Variants in SRD5A2 observed in about 807,000 individuals in gnomAD.
SRD5A2 encodes steroid 5 alpha-reductase 2.
Under a neutral mutation model 27.4 loss-of-function variants are expected in SRD5A2, and 30 were observed. That is an observed-to-expected ratio of 1.10 (90% confidence interval 0.82 to 1.49). SRD5A2 has a LOEUF of 1.49. SRD5A2 is among the 40% of genes most tolerant of loss of function. SRD5A2 has a pLI of 0.00. For missense variants in SRD5A2, 348 were observed against 323.4 expected (o/e 1.08, Z -0.58); for synonymous variants, 141 against 133.6 (o/e 1.06, Z -0.38).
chr2:31,578,874 G>A (rs1349852470), intron 1 of SRD5A2, among the ~76,000 whole-genome samples: 1 of 152,054 alleles, frequency 6.6e-6, no homozygotes, highest in Non-Finnish European at 1.5e-5. Context: ...TAATATGATT[G>A]TCACAAAACA....
chr2:31,573,622 C>A (rs1666896122), intron 1 of SRD5A2, among the ~76,000 whole-genome samples: 1 of 152,202 alleles, frequency 6.6e-6, no homozygotes, highest in Non-Finnish European at 1.5e-5. Flanking sequence ...GAGGGCCCTT[C>A]ATTAGAGCAT....
At chr2:31,649,803 C>T in the SRD5A2 span, among the ~76,000 whole-genome samples, 34 of 152,114 alleles carry the variant, frequency 2.2e-4, no homozygotes, top group East Asian at 5.8e-4. Flanking sequence ...TAATATATAA[C>T]GGGTATTTTT....
At chr2:31,581,073 A>C, upstream of SRD5A2, 1 of 673,218 alleles carries the variant, frequency 1.5e-6, no homozygotes, top group South Asian at 2.1e-5. Context: ...TCGCAGCAAT[A>C]CCCCTTTCTC....
At chr2:31,611,460 T>C in the SRD5A2 span, among the ~76,000 whole-genome samples, 1 of 152,192 alleles carries the variant, frequency 6.6e-6, no homozygotes, top group Non-Finnish European at 1.5e-5. Flanking sequence ...ACAAAGGATA[T>C]GTATCCATCA....
At chr2:31,621,066 A>G in the SRD5A2 span, among the ~76,000 whole-genome samples, 2 of 151,466 alleles carry the variant, frequency 1.3e-5, no homozygotes, top group Non-Finnish European at 2.9e-5. Flanking sequence ...TCACAGATTC[A>G]TATGCATTTT....
intron 1 of SRD5A2, among the ~76,000 whole-genome samples, chr2:31,560,305 G>T (rs1666596441): frequency 6.6e-6 from 1 of 152,142 alleles, no homozygotes. Context: ...CTGTGGGGAT[G>T]GGGAGAGAGT....
At chr2:31,642,737 T>C in the SRD5A2 span, among the ~76,000 whole-genome samples, 9 of 151,938 alleles carry the variant, frequency 5.9e-5, no homozygotes, top group African/African-American at 1.9e-4. Context: ...ACTTTACTAA[T>C]AATAACCTAA....
chr2:31,647,764 T>G, the SRD5A2 span, among the ~76,000 whole-genome samples: 1 of 152,190 alleles, frequency 6.6e-6, no homozygotes, highest in East Asian at 1.9e-4. Flanking sequence ...CACTAAATTA[T>G]ATAAATTATC....
At chr2:31,634,352 A>G in the SRD5A2 span, among the ~76,000 whole-genome samples, 1 of 152,140 alleles carries the variant, frequency 6.6e-6, no homozygotes, top group Non-Finnish European at 1.5e-5. Flanking sequence ...GGCAAAATAG[A>G]GCATCTAAAG....
the SRD5A2 span, among the ~76,000 whole-genome samples, chr2:31,587,214 A>T: frequency 1.3e-5 from 2 of 152,240 alleles, no homozygotes; most frequent in Admixed American, 6.5e-5. Context: ...TTGGTATCTC[A>T]TCACCGTTAG....
At chr2:31,612,976 G>GA in the SRD5A2 span, among the ~76,000 whole-genome samples, 1 of 152,148 alleles carries the variant, frequency 6.6e-6, no homozygotes, top group South Asian at 2.1e-4. Flanking sequence ...GCAGAAGAAT[G>GA]AAATTGGACC....
the SRD5A2 span, among the ~76,000 whole-genome samples, chr2:31,654,292 T>C: frequency 1.8e-3 from 280 of 152,296 alleles, 2 homozygotes; most frequent in African/African-American, 6.1e-3. Flanking sequence ...CTCAAAGCAC[T>C]GGCAAGGATA....
chr2:31,566,447 A>C (rs2148093524), intron 1 of SRD5A2, among the ~76,000 whole-genome samples: 1 of 152,296 alleles, frequency 6.6e-6, no homozygotes, highest in East Asian at 1.9e-4. Context: ...ACAATTTCTA[A>C]AGCTCTAGTC....
At chr2:31,626,481 T>C in the SRD5A2 span, among the ~76,000 whole-genome samples, 1 of 152,190 alleles carries the variant, frequency 6.6e-6, no homozygotes, top group African/African-American at 2.4e-5. Flanking sequence ...CAGTATGATA[T>C]TGGCTGTGGG....
At chr2:31,655,811 C>T in the SRD5A2 span, among the ~76,000 whole-genome samples, 1 of 152,116 alleles carries the variant, frequency 6.6e-6, no homozygotes, top group African/African-American at 2.4e-5. Context: ...GTTCAGCTTC[C>T]CCCACTCCAC....
At chr2:31,659,452 G>C in the SRD5A2 span, among the ~76,000 whole-genome samples, 8 of 152,056 alleles carry the variant, frequency 5.3e-5, no homozygotes, top group Non-Finnish European at 1.2e-4. Flanking sequence ...CTGCCTAAAA[G>C]CTTCTTGATC....
In SRD5A2 at chr2:31,580,748, G is replaced by A. The variant is rs754498175; in HGVS notation, c.153C>T (p.Ala51=). The change falls in exon 1 of 5, where the codon GCC becomes GCT. Residue 51 remains alanine (A), a synonymous_variant. Coordinates refer to ENST00000622030, the MANE Select transcript of SRD5A2 (RefSeq NM_000348.4). ...AAGGCAGCTCCTGCAGGAACCAGGCGGCGCGGGCTGGCAGGCGGGTAGCCG... is the reference window on the plus strand; with the variant it reads ...AAGGCAGCTCCTGCAGGAACCAGGCAGCGCGGGCTGGCAGGCGGGTAGCCG... ...KPAATRLPAR[A]AWFLQELPSF... 1.2e-6 allele frequency: 2 copies of A among 1,610,226 alleles called. No homozygotes were observed. Among genetic ancestry groups the A allele is most frequent in the Non-Finnish European group, 8.5e-7 (1 of 1,179,600 alleles).
At chr2:31,591,269 G>A in the SRD5A2 span, among the ~76,000 whole-genome samples, 1 of 152,118 alleles carries the variant, frequency 6.6e-6, no homozygotes, top group Non-Finnish European at 1.5e-5. Flanking sequence ...ATCAAAAAGT[G>A]GGTGAAGGAC....
At chr2:31,659,574 C>T in the SRD5A2 span, among the ~76,000 whole-genome samples, 1 of 152,132 alleles carries the variant, frequency 6.6e-6, no homozygotes, top group Non-Finnish European at 1.5e-5. Context: ...ACTGCAATCC[C>T]ATTCACAATT....
Sources: allele counts gnomAD v4.1 joint callset (sites outside exome capture counted in the v4.1 genomes callset), GRCh38; gene constraint gnomAD v4.1.1; transcripts MANE v1.5; gene names NCBI Gene and HGNC (gene_info 2026-07-23, HGNC 2026-07-21).